Variants in SLCO3A1 observed in about 807,000 individuals in gnomAD.
SLCO3A1 encodes solute carrier organic anion transporter family member 3A1.
SLCO3A1 carries 27 observed loss-of-function variants against 63.1 expected under a neutral mutation model. The observed-to-expected ratio is 0.43, with a 90% CI of 0.32 to 0.59. The LOEUF (loss-of-function observed/expected upper bound fraction) is 0.59. Among genes scored for constraint, SLCO3A1 ranks in the 20% least tolerant of loss-of-function variants. The pLI is 0.09. For synonymous variants in SLCO3A1, 473 were observed against 409.9 expected, an observed-to-expected ratio of 1.15 and a Z score of -1.86; for missense variants, 773 against 945.8, an observed-to-expected ratio of 0.82 and a Z score of 2.40.
At chr15:91,937,693 C>T (rs1420448599) in intron 2 of SLCO3A1, among the ~76,000 whole-genome samples, 4 of 141,936 alleles carry the variant, frequency 2.8e-5, no homozygotes, top group Admixed American at 7.2e-5. Context: ...CACTCCAGCC[C>T]GGACGACAGT....
At chr15:92,099,205 G>T (rs2047574863) in intron 3 of SLCO3A1, among the ~76,000 whole-genome samples, 1 of 152,218 alleles carries the variant, frequency 6.6e-6, no homozygotes, top group Admixed American at 6.5e-5. Flanking sequence ...TCACAAAAAA[G>T]GTCAACAGAC....
At chr15:92,122,575 T>G (rs1213770904) in intron 5 of SLCO3A1, among the ~76,000 whole-genome samples, 1 of 152,212 alleles carries the variant, frequency 6.6e-6, no homozygotes, top group Non-Finnish European at 1.5e-5. Context: ...GTGCTGCCAC[T>G]TTGGAAAACT....
At chr15:92,056,039 C>G (rs1337289806) in intron 2 of SLCO3A1, among the ~76,000 whole-genome samples, 1 of 152,010 alleles carries the variant, frequency 6.6e-6, no homozygotes, top group Non-Finnish European at 1.5e-5. Context: ...TAGTGCCAGT[C>G]TAGGTGGTAT....
chr15:92,061,177 A>G (rs1191899687), intron 2 of SLCO3A1, among the ~76,000 whole-genome samples: 2 of 152,238 alleles, frequency 1.3e-5, no homozygotes, highest in Non-Finnish European at 2.9e-5. Context: ...GGGGTCTGGT[A>G]TACATAGGTG....
rs935758432 is a variant in SLCO3A1, at chr15:92,164,784, G to C, written c.*1649G>C. 2.0e-6 allele frequency: 2 copies of C among 985,266 alleles called. No individual in the cohort carries two copies. The highest frequency in any genetic ancestry group is 2.4e-6 in the Non-Finnish European group (2 of 829,954). 61.0% of individuals were successfully genotyped at this position (985,266 alleles called of 1,614,324 possible). On this transcript the variant is annotated 3_prime_UTR_variant, in exon 10 of 10. Transcript: ENST00000318445. Reference sequence around the variant, plus strand: ...TGTTATGATTTGGGGTAAGAATCACGTTGGAAAACCTCTCGCAACCAGCAC... The same window carrying C: ...TGTTATGATTTGGGGTAAGAATCACCTTGGAAAACCTCTCGCAACCAGCAC...
intron 2 of SLCO3A1, among the ~76,000 whole-genome samples, chr15:91,928,509 C>T (rs1442419913): frequency 6.6e-6 from 1 of 152,114 alleles, no homozygotes; most frequent in African/African-American, 2.4e-5. Context: ...CTCCACCATC[C>T]CCAGGCATGA....
intron 2 of SLCO3A1, among the ~76,000 whole-genome samples, chr15:91,984,854 T>C (rs1031457388): frequency 6.6e-6 from 1 of 152,226 alleles, no homozygotes; most frequent in Non-Finnish European, 1.5e-5. Context: ...CAAAAGCTTT[T>C]ACTAGGGGAA....
chr15:92,015,788 G>C (rs2151466070), intron 2 of SLCO3A1, among the ~76,000 whole-genome samples: 1 of 152,278 alleles, frequency 6.6e-6, no homozygotes, highest in South Asian at 2.1e-4. Flanking sequence ...GTGGGGCCCA[G>C]GCTCTGACCC....
chr15:91,921,889 C>A (rs368193862), intron 2 of SLCO3A1, among the ~76,000 whole-genome samples: 1 of 152,040 alleles, frequency 6.6e-6, no homozygotes, highest in Non-Finnish European at 1.5e-5. Context: ...GCCACCACAC[C>A]CGGTTACTTT....
intron 2 of SLCO3A1, among the ~76,000 whole-genome samples, chr15:91,936,695 AG>A (rs1307667216): frequency 5.9e-5 from 9 of 152,298 alleles, no homozygotes; most frequent in Non-Finnish European, 2.9e-5. Flanking sequence ...TACATAGAGG[AG>A]TAGGAGTTTC....
intron 2 of SLCO3A1, among the ~76,000 whole-genome samples, chr15:91,955,592 A>G (rs548044973): frequency 6.6e-5 from 10 of 152,332 alleles, no homozygotes; most frequent in Non-Finnish European, 1.3e-4. Context: ...TCAGCCTACC[A>G]AAGTGCTGGG....
At chr15:91,911,580 G>A (rs1027685501) in intron 1 of SLCO3A1, among the ~76,000 whole-genome samples, 23 of 152,066 alleles carry the variant, frequency 1.5e-4, no homozygotes, top group South Asian at 4.2e-4. Context: ...GGTATCAGAC[G>A]CATATCTATA....
intron 2 of SLCO3A1, among the ~76,000 whole-genome samples, chr15:92,040,979 C>T (rs2046790022): frequency 6.6e-6 from 1 of 152,162 alleles, no homozygotes; most frequent in Non-Finnish European, 1.5e-5. Flanking sequence ...GTCCTCACTC[C>T]TCCCGACATT....
At chr15:92,008,244 G>A (rs1187386321) in intron 2 of SLCO3A1, among the ~76,000 whole-genome samples, 1 of 152,128 alleles carries the variant, frequency 6.6e-6, no homozygotes, top group African/African-American at 2.4e-5. Flanking sequence ...GGTCTGATTT[G>A]ATCAAAACCT....
At chr15:91,998,362 G>A (rs1260347508) in intron 2 of SLCO3A1, among the ~76,000 whole-genome samples, 4 of 152,088 alleles carry the variant, frequency 2.6e-5, no homozygotes, top group Non-Finnish European at 5.9e-5. Flanking sequence ...GCTGAGGCAC[G>A]AGAATCACTT....
At chr15:91,959,480 A>G (rs1440001051) in intron 2 of SLCO3A1, among the ~76,000 whole-genome samples, 1 of 152,160 alleles carries the variant, frequency 6.6e-6, no homozygotes, top group African/African-American at 2.4e-5. Flanking sequence ...CTGTAATCCC[A>G]GCACTTTGGG....
At chr15:92,109,649 C>G (rs926050446) in intron 4 of SLCO3A1, among the ~76,000 whole-genome samples, 16 of 152,232 alleles carry the variant, frequency 1.1e-4, no homozygotes, top group Non-Finnish European at 1.5e-5. Flanking sequence ...CAAGTGGTCT[C>G]TTCCTGTCCC....
intron 2 of SLCO3A1, among the ~76,000 whole-genome samples, chr15:92,068,663 T>C (rs2047179651): frequency 6.6e-6 from 1 of 152,226 alleles, no homozygotes; most frequent in African/African-American, 2.4e-5. Context: ...AAAGCAAGCC[T>C]CTGAACATGC....
intron 2 of SLCO3A1, among the ~76,000 whole-genome samples, chr15:91,963,886 G>A (rs913214650): frequency 3.9e-5 from 6 of 152,102 alleles, no homozygotes; most frequent in East Asian, 1.9e-4. Context: ...GCAGGTTGCC[G>A]CTGCTATTTC....
Sources: allele counts gnomAD v4.1 joint callset (sites outside exome capture counted in the v4.1 genomes callset), GRCh38; gene constraint gnomAD v4.1.1; transcripts MANE v1.5; gene names NCBI Gene and HGNC (gene_info 2026-07-23, HGNC 2026-07-21).